The following CDH12 variants were observed in gnomAD, a reference collection of about 807,000 sequenced individuals.
CDH12 encodes cadherin 12.
CDH12 carries 41 observed loss-of-function variants against 74.1 expected under a neutral mutation model. The ratio of observed to expected loss-of-function variants is 0.55; its 90% CI spans 0.43 to 0.72. The LOEUF (loss-of-function observed/expected upper bound fraction) is 0.72, where lower values mean the gene tolerates loss of function less well. Ranked by LOEUF, CDH12 falls within the 30% of genes least tolerant of loss-of-function variation. CDH12 has a pLI of 0.00. For missense variants in CDH12, 945 were observed against 977.2 expected, an observed-to-expected ratio of 0.97 and a Z score of 0.44; for synonymous variants, 399 against 355.0, an observed-to-expected ratio of 1.12 and a Z score of -1.39.
chr5:22,497,744 G>C (rs1747160926), intron 2 of CDH12, among the ~76,000 whole-genome samples: 1 of 136,944 alleles, frequency 7.3e-6, no homozygotes, highest in Non-Finnish European at 1.5e-5. Context: ...CGAGGTTCAA[G>C]CAATTCTCCT....
At chr5:22,006,398 C>A (rs942198207) in intron 5 of CDH12, among the ~76,000 whole-genome samples, 2 of 151,772 alleles carry the variant, frequency 1.3e-5, no homozygotes, top group African/African-American at 4.8e-5. Context: ...TATTAATACA[C>A]CTAAATATCC....
chr5:22,523,379 T>C (rs1401507117), intron 1 of CDH12, among the ~76,000 whole-genome samples: 1 of 152,164 alleles, frequency 6.6e-6, no homozygotes, highest in Non-Finnish European at 1.5e-5. Flanking sequence ...TTTTCCTGAA[T>C]ACACTTCTAT....
chr5:21,892,376 A>T (rs1331609125), intron 6 of CDH12, among the ~76,000 whole-genome samples: 1 of 152,142 alleles, frequency 6.6e-6, no homozygotes, highest in Non-Finnish European at 1.5e-5. Flanking sequence ...CTTCCTTTAA[A>T]GAATCCTGGA....
At chr5:21,798,000 T>C in intron 10 of CDH12, among the ~76,000 whole-genome samples, 1 of 151,920 alleles carries the variant, frequency 6.6e-6, no homozygotes, top group Non-Finnish European at 1.5e-5. Context: ...CTGCAGAGAG[T>C]TTTAATTAAT....
chr5:21,801,803 A>T (rs12653445), intron 10 of CDH12, among the ~76,000 whole-genome samples: 90,371 of 152,014 alleles, frequency 0.59, 29,232 homozygotes, highest in Non-Finnish European at 0.73. Context: ...AATGTCTATT[A>T]TACTCTAGGC....
intron 6 of CDH12, among the ~76,000 whole-genome samples, chr5:21,855,652 A>T (rs982677836): frequency 2.0e-5 from 3 of 151,632 alleles, no homozygotes; most frequent in Non-Finnish European, 4.4e-5. Context: ...ATATGTATAT[A>T]TATGTGTATA....
chr5:22,105,018 T>A (rs2150253697), intron 4 of CDH12, among the ~76,000 whole-genome samples: 1 of 152,270 alleles, frequency 6.6e-6, no homozygotes, highest in South Asian at 2.1e-4. Flanking sequence ...CCTTGGCTCA[T>A]ACACGATATG....
chr5:22,582,210 T>G (rs925169557), intron 1 of CDH12, among the ~76,000 whole-genome samples: 2 of 152,220 alleles, frequency 1.3e-5, no homozygotes, highest in Non-Finnish European at 2.9e-5. Flanking sequence ...TTATCCTGTA[T>G]GTATGTTTTC....
intron 6 of CDH12, among the ~76,000 whole-genome samples, chr5:21,861,614 C>G (rs1186773361): frequency 6.6e-6 from 1 of 152,044 alleles, no homozygotes; most frequent in African/African-American, 2.4e-5. Flanking sequence ...CAATTTTTAA[C>G]CAATTTCCTT....
intron 3 of CDH12, among the ~76,000 whole-genome samples, chr5:22,403,534 C>T (rs1742817814): frequency 6.6e-6 from 1 of 152,182 alleles, no homozygotes; most frequent in African/African-American, 2.4e-5. Context: ...CAGGCAACCA[C>T]AATCCTTGCA....
intron 1 of CDH12, among the ~76,000 whole-genome samples, chr5:22,555,830 A>C (rs1057275181): frequency 1.9e-4 from 29 of 152,008 alleles, no homozygotes; most frequent in African/African-American, 6.5e-4. Context: ...TATTAAAAAC[A>C]TGCATAATTG....
At chr5:22,187,671 A>C (rs1327617095) in intron 4 of CDH12, among the ~76,000 whole-genome samples, 2 of 150,382 alleles carry the variant, frequency 1.3e-5, no homozygotes, top group Non-Finnish European at 3.0e-5. Context: ...AAAAGAAAGA[A>C]AGAAAGAAAA....
chr5:22,178,896 C>T (rs2150335710), intron 4 of CDH12, among the ~76,000 whole-genome samples: 1 of 152,368 alleles, frequency 6.6e-6, no homozygotes, highest in East Asian at 1.9e-4. Flanking sequence ...AAATGATTTG[C>T]ATTTGAAAAT....
chr5:22,321,756 A>G (rs1314137203), intron 3 of CDH12, among the ~76,000 whole-genome samples: 2 of 152,092 alleles, frequency 1.3e-5, no homozygotes, highest in Non-Finnish European at 2.9e-5. Flanking sequence ...TTATGTACTT[A>G]TTTTGTAATA....
At chr5:22,626,390 C>T (rs1240222732) in intron 1 of CDH12, among the ~76,000 whole-genome samples, 1 of 152,130 alleles carries the variant, frequency 6.6e-6, no homozygotes, top group African/African-American at 2.4e-5. Flanking sequence ...CTCTTAAATG[C>T]AGTAGGTTCA....
chr5:22,237,812 C>T (rs10045096), intron 3 of CDH12, among the ~76,000 whole-genome samples: 151,364 of 152,286 alleles, frequency 0.99, 75,236 homozygotes, highest in Middle Eastern at 1. Flanking sequence ...CGTACCACTT[C>T]ATAGCACCAC....
At chr5:22,200,241 A>C (rs1750850980) in intron 4 of CDH12, among the ~76,000 whole-genome samples, 2 of 152,198 alleles carry the variant, frequency 1.3e-5, no homozygotes, top group Non-Finnish European at 2.9e-5. Context: ...CTGATTATCA[A>C]GTACAACATA....
At chr5:22,331,203 A>G (rs1451364176) in intron 3 of CDH12, among the ~76,000 whole-genome samples, 1 of 152,228 alleles carries the variant, frequency 6.6e-6, no homozygotes, top group Non-Finnish European at 1.5e-5. Context: ...GCCAGATAGC[A>G]TGGCTGGATA....
chr5:22,598,598 C>T (rs753226569), intron 1 of CDH12, among the ~76,000 whole-genome samples: 5 of 152,106 alleles, frequency 3.3e-5, no homozygotes, highest in Non-Finnish European at 5.9e-5. Context: ...AACTAATACA[C>T]ATATGTTGCC....
Sources: allele counts gnomAD v4.1 joint callset (sites outside exome capture counted in the v4.1 genomes callset), GRCh38; gene constraint gnomAD v4.1.1; transcripts MANE v1.5; gene names NCBI Gene and HGNC (gene_info 2026-07-23, HGNC 2026-07-21).